Variants in ADGRE2 observed in about 807,000 individuals in gnomAD.
The protein encoded by ADGRE2 is adhesion G protein-coupled receptor E2, also known as CD97 antigen.
Under a neutral mutation model 100.8 loss-of-function variants are expected in ADGRE2, and 83 were observed. The ratio of observed to expected loss-of-function variants is 0.82; its 90% CI spans 0.69 to 0.99. ADGRE2 has a LOEUF of 0.99. ADGRE2 is among the 50% of genes least tolerant of loss of function. The probability of loss-of-function intolerance (pLI) is 0.00; values close to 1 mark genes in which losing one functional copy is unlikely to be tolerated. For missense variants in ADGRE2, 814 were observed against 1,035.7 expected (o/e 0.79, Z 2.94); for synonymous variants, 355 against 413.0 (o/e 0.86, Z 1.70).
chr19:14,755,602 C>T, intron 13 of ADGRE2, 52 bp downstream of exon 13: 1 of 1,511,918 alleles, frequency 6.6e-7, no homozygotes, highest in South Asian at 1.1e-5. Flanking sequence ...AGCAGCAAGG[C>T]TATGCCCGGA....
chr19:14,757,600 G>T (rs12327836), intron 11 of ADGRE2, among the ~76,000 whole-genome samples: 2,126 of 152,234 alleles, frequency 0.014, 49 homozygotes, highest in African/African-American at 0.048. Context: ...ACTATACAAT[G>T]GGGGAAAGAA....
At chr19:14,756,167 A>T in intron 12 of ADGRE2, 71 bp downstream of exon 12, 2 of 1,191,500 alleles carry the variant, frequency 1.7e-6, no homozygotes, top group Non-Finnish European at 2.5e-6. Context: ...TAAATTTCTT[A>T]TTTTTCACAT....
downstream of ADGRE2, among the ~76,000 whole-genome samples, chr19:14,729,802 G>A (rs561857706): frequency 6.6e-6 from 1 of 152,256 alleles, no homozygotes. Flanking sequence ...TATATGAGAC[G>A]AGGCATACAT....
chr19:14,778,207 G>C (rs2044499158), intron 1 of ADGRE2, 50 bp downstream of exon 1: 1 of 152,226 alleles, frequency 6.6e-6, no homozygotes, highest in Non-Finnish European at 1.5e-5. Flanking sequence ...TTTGAGACCA[G>C]CCTGGGCAAC....
intron 4 of ADGRE2, 33 bp from the exon 5 acceptor site, chr19:14,772,530 A>T: frequency 6.2e-7 from 1 of 1,611,278 alleles, no homozygotes; most frequent in Non-Finnish European, 8.5e-7. Context: ...GTCATCTCCC[A>T]AAGATGTGAG....
chr19:14,745,952 AT>A (rs1421172466), intron 18 of ADGRE2, among the ~76,000 whole-genome samples: 1 of 152,164 alleles, frequency 6.6e-6, no homozygotes, highest in Non-Finnish European at 1.5e-5. Flanking sequence ...ATCGAATCGT[AT>A]CCTATTTTGT....
At chr19:14,737,535 T>C (rs954611877) in intron 20 of ADGRE2, among the ~76,000 whole-genome samples, 2 of 152,130 alleles carry the variant, frequency 1.3e-5, no homozygotes, top group African/African-American at 2.4e-5. Context: ...CATATGTATT[T>C]GTCAGGGCAA....
chr19:14,727,774 T>C (rs1323535168), downstream of ADGRE2, among the ~76,000 whole-genome samples: 2 of 152,142 alleles, frequency 1.3e-5, no homozygotes, highest in Non-Finnish European at 2.9e-5. Flanking sequence ...TCATTTCCTT[T>C]AATCCCATTT....
At chr19:14,754,187 A>T (rs2043399682) in intron 14 of ADGRE2, among the ~76,000 whole-genome samples, 1 of 151,858 alleles carries the variant, frequency 6.6e-6, no homozygotes, top group African/African-American at 2.4e-5. Context: ...CAGTTCTGGG[A>T]CTCGGACTGG....
downstream of ADGRE2, chr19:14,731,332 A>G: frequency 1.3e-6 from 1 of 775,058 alleles, no homozygotes; most frequent in South Asian, 1.7e-5. Flanking sequence ...TTGGACTTTC[A>G]AACTTCCAGT....
chr19:14,755,858 A>C lies in ADGRE2; in HGVS notation c.1212T>G (p.Leu404=). 7 of 1,614,062 alleles carry C rather than the reference A, an allele frequency of 4.3e-6. No homozygotes were observed. Among genetic ancestry groups the C allele is most frequent in the Non-Finnish European group, 5.9e-6 (7 of 1,180,024 alleles). ...SGDPGPSVVG[L]VSIPGMGKLL... ...ACTTGCCCATCCCTGGAATGGAGAC[A>C]AGGCCCACCACAGAAGGGCCTGCAG... The change falls in exon 13 of 21, where the codon CTT becomes CTG. Residue 404 remains leucine, a synonymous_variant. Coordinates refer to ENST00000315576, the MANE Select transcript of ADGRE2 (RefSeq NM_013447.4).
downstream of ADGRE2, among the ~76,000 whole-genome samples, chr19:14,730,764 G>A (rs75111456): frequency 2.6e-5 from 4 of 151,758 alleles, no homozygotes; most frequent in East Asian, 7.7e-4. Context: ...TCCAGTTAGT[G>A]AGCATAGTAC....
At chr19:14,753,362 G>A (rs1365066627) in intron 14 of ADGRE2, among the ~76,000 whole-genome samples, 3 of 152,100 alleles carry the variant, frequency 2.0e-5, no homozygotes, top group Non-Finnish European at 1.5e-5. Flanking sequence ...GGGCGGGAGG[G>A]GCTGGGCGGT....
chr19:14,755,770 G>A lies in ADGRE2; in HGVS notation c.1300C>T (p.Gln434Ter). The A allele has an allele frequency of 3.1e-6, 5 of 1,614,168 alleles. No homozygotes were observed. Among genetic ancestry groups the A allele is most frequent in the East Asian group, 4.5e-5 (2 of 44,890 alleles). ...GGGGAGCCGTCCTGCAGCAAGCCCT[G>A]GTGTGTCTCATGCAGAAGCATCTGC... ...EKQMLLHETHQGLLQDGSPIL... is the reference protein window; with the variant it reads ...EKQMLLHETH The change falls in exon 13 of 21, where the codon CAG becomes TAG. Residue 434 changes from glutamine (Q) to a stop codon, truncating the protein, a stop_gained. Transcript: ENST00000315576. LOFTEE classifies it high-confidence loss of function.
Position 14,736,254 on chromosome 19 carries a change from A to G in ADGRE2, c.2464-10T>C, listed in dbSNP as rs1177472250. ...GATTTTTCTAGTTAACCTGAAATAT[A>G]TATATATGTATGTATTTTGTTGTTG... On this transcript the variant is annotated splice_polypyrimidine_tract_variant and intron_variant, in intron 20 of 20. Transcript: ENST00000315576. 3 of 1,520,164 alleles carry G rather than the reference A, an allele frequency of 2.0e-6. No individual in the cohort carries two copies. The highest frequency in any genetic ancestry group is 2.7e-6 in the Non-Finnish European group (3 of 1,099,386). The allele number at this position is 1,520,164 out of a possible 1,614,324, so 94.2% of individuals were successfully genotyped here.
In ADGRE2 at chr19:14,755,281, A is replaced by C. The variant is rs8105218; in HGVS notation, c.1417-154T>G. Among the ~76,000 whole-genome samples, 65,976 of 140,962 alleles carry C rather than the reference A, an allele frequency of 0.47. 15,896 individuals carry two copies. The highest frequency in any genetic ancestry group is 0.63 in the African/African-American group (25,012 of 39,834). The allele number at this position is 140,962 out of a possible 152,430, so 92.5% of individuals were successfully genotyped here. On this transcript the variant is annotated intron_variant, in intron 13 of 20. Coordinates refer to ENST00000315576, the MANE Select transcript of ADGRE2 (RefSeq NM_013447.4). ...AAACCCCATCTCTACTAAAAAAAAA[A>C]AAAAAAAAAAAAAATACAAAAATTA...
chr19:14,742,798 G>A (rs1322691428), intron 20 of ADGRE2, among the ~76,000 whole-genome samples: 1 of 152,174 alleles, frequency 6.6e-6, no homozygotes, highest in East Asian at 1.9e-4. Flanking sequence ...GGTAGAATGT[G>A]CATCACTGCT....
intron 14 of ADGRE2, among the ~76,000 whole-genome samples, chr19:14,753,291 G>T (rs939791622): frequency 6.6e-5 from 10 of 152,018 alleles, no homozygotes; most frequent in African/African-American, 9.7e-5. Context: ...ACTTGTGGAG[G>T]GGGGAGCTAG....
chr19:14,761,120 G>A (rs377415465), intron 11 of ADGRE2, among the ~76,000 whole-genome samples: 27 of 152,142 alleles, frequency 1.8e-4, no homozygotes, highest in East Asian at 1.2e-3. Flanking sequence ...ACCAAGTTGC[G>A]GGGGCAGGCG....
Sources: allele counts gnomAD v4.1 joint callset (sites outside exome capture counted in the v4.1 genomes callset), GRCh38; gene constraint gnomAD v4.1.1; transcripts MANE v1.5; gene names NCBI Gene and HGNC (gene_info 2026-07-23, HGNC 2026-07-21).